RARB: variants seen among roughly 807,000 people sequenced by gnomAD.
The protein encoded by RARB is HBV-activated protein.
In RARB, 17 loss-of-function variants were observed where a neutral mutation model predicts 51.9. The ratio of observed to expected loss-of-function variants is 0.33; its 90% confidence interval spans 0.22 to 0.49. RARB has a LOEUF of 0.49. Among genes scored for constraint, RARB ranks in the 20% least tolerant of loss-of-function variants. The probability of loss-of-function intolerance (pLI) is 0.99; values close to 1 mark genes in which losing one functional copy is unlikely to be tolerated. For synonymous variants in RARB, 215 were observed against 195.4 expected, an observed-to-expected ratio of 1.10 and a Z score of -0.84; for missense variants, 369 against 550.8, an observed-to-expected ratio of 0.67 and a Z score of 3.30.
chr3:25,474,015 A>G lies in RARB; in HGVS notation c.306+12674A>G, dbSNP rs145018719. On this transcript the variant is annotated intron_variant, in intron 2 of 7. Coordinates refer to ENST00000330688, the MANE Select transcript of RARB (RefSeq NM_000965.5). ...TGTGAGCCTTAAAATAATGAGCAGT[A>G]GAAAACTCTGAGGTAGGTCAGCGAT... is the stretch of plus-strand genomic sequence containing the variant. Among the ~76,000 whole-genome samples the G allele has an allele frequency of 1.9e-4, 29 of 152,148 alleles. 1 individual carries two copies. Among genetic ancestry groups the G allele is most frequent in the African/African-American group, 6.0e-4 (25 of 41,508 alleles).
chr3:25,277,647 T>A (rs1473630091), intron 5 of RARB, among the ~76,000 whole-genome samples: 1 of 152,226 alleles, frequency 6.6e-6, no homozygotes, highest in Non-Finnish European at 1.5e-5. Context: ...TCTATTGTCT[T>A]AAAATGTTTA....
intron 5 of RARB, among the ~76,000 whole-genome samples, chr3:25,227,389 A>G (rs1702077998): frequency 6.6e-6 from 1 of 152,206 alleles, no homozygotes; most frequent in South Asian, 2.1e-4. Flanking sequence ...TACTGTTCAT[A>G]AGTGTTAACA....
At chr3:25,310,095 A>G (rs1704252772) in intron 5 of RARB, among the ~76,000 whole-genome samples, 1 of 152,142 alleles carries the variant, frequency 6.6e-6, no homozygotes, top group South Asian at 2.1e-4. Flanking sequence ...AGTGAAAATG[A>G]TGTGTGTAGC....
chr3:25,016,579 T>C (rs1013408321), intron 2 of RARB, among the ~76,000 whole-genome samples: 1 of 152,206 alleles, frequency 6.6e-6, no homozygotes, highest in African/African-American at 2.4e-5. Flanking sequence ...ATTTGCAGTT[T>C]AGAAGAAAGT....
chr3:25,205,918 T>C (rs1701531835), intron 5 of RARB, among the ~76,000 whole-genome samples: 1 of 152,068 alleles, frequency 6.6e-6, no homozygotes, highest in Non-Finnish European at 1.5e-5. Context: ...TAATTTTTTT[T>C]CTTCTACAAA....
At chr3:24,871,007 C>G (rs553983864) in intron 2 of RARB, among the ~76,000 whole-genome samples, 20 of 152,008 alleles carry the variant, frequency 1.3e-4, no homozygotes, top group Non-Finnish European at 1.9e-4. Flanking sequence ...TTTGAACCTC[C>G]TCATTCCCTT....
At chr3:25,156,798 G>C (rs998057979) in intron 4 of RARB, among the ~76,000 whole-genome samples, 5 of 152,156 alleles carry the variant, frequency 3.3e-5, no homozygotes, top group Non-Finnish European at 5.9e-5. Context: ...TTAAGAAAGA[G>C]AAACAGGCTG....
At chr3:25,318,314 A>G (rs1220862851) in intron 5 of RARB, among the ~76,000 whole-genome samples, 1 of 152,162 alleles carries the variant, frequency 6.6e-6, no homozygotes, top group African/African-American at 2.4e-5. Flanking sequence ...TTATTATTGC[A>G]GTTCCTTGGG....
intron 3 of RARB, among the ~76,000 whole-genome samples, chr3:25,529,586 G>T (rs1474020891): frequency 6.6e-6 from 1 of 152,296 alleles, no homozygotes; most frequent in Non-Finnish European, 1.5e-5. Flanking sequence ...GAAGGAGGAG[G>T]AAATGGGAAA....
chr3:25,537,535 G>T (rs1396310087), intron 3 of RARB, among the ~76,000 whole-genome samples: 1 of 152,184 alleles, frequency 6.6e-6, no homozygotes, highest in East Asian at 1.9e-4. Context: ...TGAGGCTCTT[G>T]TGGGGCTGTT....
At chr3:25,329,630 A>G (rs1179371248) in intron 5 of RARB, among the ~76,000 whole-genome samples, 1 of 152,230 alleles carries the variant, frequency 6.6e-6, no homozygotes, top group Non-Finnish European at 1.5e-5. Context: ...CAGCTGCTCG[A>G]CAGCAATGGA....
At chr3:25,191,735 C>T (rs1036707909) in intron 5 of RARB, among the ~76,000 whole-genome samples, 2 of 152,100 alleles carry the variant, frequency 1.3e-5, no homozygotes, top group Non-Finnish European at 2.9e-5. Flanking sequence ...CAGAAATTCT[C>T]TGTTCCCAAA....
At chr3:25,172,231 A>T (rs912632742) in intron 4 of RARB, among the ~76,000 whole-genome samples, 1 of 152,182 alleles carries the variant, frequency 6.6e-6, no homozygotes, top group Non-Finnish European at 1.5e-5. Flanking sequence ...ACGACTGCTC[A>T]CTGAGTTTTT....
intron 5 of RARB, among the ~76,000 whole-genome samples, chr3:25,587,588 C>T (rs1701445809): frequency 6.6e-6 from 1 of 152,196 alleles, no homozygotes; most frequent in Non-Finnish European, 1.5e-5. Flanking sequence ...TAACAAGGAA[C>T]TCCTGCTGCT....
At chr3:25,104,206 T>G (rs915252157) in intron 3 of RARB, among the ~76,000 whole-genome samples, 2 of 152,144 alleles carry the variant, frequency 1.3e-5, no homozygotes, top group African/African-American at 4.8e-5. Flanking sequence ...ATGGCTAAAT[T>G]GAAAAAGACG....
Position 25,176,354 on chromosome 3 carries a change from C to CTTTCTTTCT in RARB, c.178+1781_178+1782insTCTTTCTTT, listed in dbSNP as rs1700750131. Among the ~76,000 whole-genome samples the CTTTCTTTCT allele has an allele frequency of 4.4e-3, 246 of 55,582 alleles. 1 individual carries two copies. Among genetic ancestry groups the CTTTCTTTCT allele is most frequent in the African/African-American group, 8.7e-3 (134 of 15,458 alleles). 36.5% of individuals were successfully genotyped at this position (55,582 alleles called of 152,430 possible). A position where few individuals can be genotyped will look rare whatever the true frequency, so the allele number is the denominator to read the frequency against. ...CTTTCTTTCCTTCCTTCCTTCCTTC[C>CTTTCTTTCT]TTCCTTCCTTCCTTCCTTCCTTCCT... On this transcript the variant is annotated intron_variant, in intron 5 of 11. Coordinates refer to the RARB transcript ENST00000383772.
intron 2 of RARB, among the ~76,000 whole-genome samples, chr3:24,963,965 C>T (rs1370474171): frequency 6.6e-6 from 1 of 152,112 alleles, no homozygotes; most frequent in Non-Finnish European, 1.5e-5. Context: ...TAATCTTGAC[C>T]AGCAGAGGGC....
At chr3:25,538,531 TG>T (rs1398665566) in intron 3 of RARB, among the ~76,000 whole-genome samples, 1 of 152,198 alleles carries the variant, frequency 6.6e-6, no homozygotes, top group Non-Finnish European at 1.5e-5. Flanking sequence ...CAGAGATGTT[TG>T]GTGTGCTATT....
chr3:25,212,112 G>C (rs1701713415), intron 5 of RARB, among the ~76,000 whole-genome samples: 1 of 152,142 alleles, frequency 6.6e-6, no homozygotes, highest in Non-Finnish European at 1.5e-5. Context: ...CATTGTCAAA[G>C]ACATTAATGA....
Sources: gnomAD v4.1 joint callset for allele counts (sites outside exome capture counted in the v4.1 genomes callset) on GRCh38, gnomAD v4.1.1 for gene constraint, MANE v1.5 for transcripts, NCBI Gene and HGNC (gene_info 2026-07-23, HGNC 2026-07-21) for gene names.